The following ANO2 variants were observed in gnomAD, a reference collection of about 807,000 sequenced individuals.
The protein encoded by ANO2 is anoctamin 2.
ANO2 carries 101 observed loss-of-function variants against 124.2 expected under a neutral mutation model. That is an observed-to-expected ratio of 0.81 (90% CI 0.69 to 0.96). The LOEUF (loss-of-function observed/expected upper bound fraction) is 0.96. Ranked by LOEUF, ANO2 falls within the 40% of genes least tolerant of loss-of-function variation. ANO2 has a pLI of 0.00. For missense variants in ANO2, 1,293 were observed against 1,274.5 expected (o/e 1.01, Z -0.22); for synonymous variants, 486 against 482.5 (o/e 1.01, Z -0.09).
rs1378492335 is a variant in ANO2, at chr12:5,854,050, G to A, written c.626C>T (p.Thr209Ile). 2 of 1,612,840 alleles carry A rather than the reference G, an allele frequency of 1.2e-6. No individual in the cohort carries two copies. Among genetic ancestry groups the A allele is most frequent in the East Asian group, 4.5e-5 (2 of 44,846 alleles). Residue 209 changes from threonine to isoleucine, a missense_variant, in exon 4 of 25, where the codon ACC becomes ATC. Thr to Ile is a moderately conservative substitution (Grantham distance 89, BLOSUM62 -1). Transcript: ENST00000682330. ...EAEFLKIKVP[T>I]KKMYEIKAGG... ...GGAGAAACATGCTCATACTTTCTTG[G>A]TAGGAACTTTGATCTTCAAGAATTC... is the stretch of plus-strand genomic sequence containing the variant.
At chr12:5,811,178 T>C (rs780571360) in intron 7 of ANO2, among the ~76,000 whole-genome samples, 2 of 152,156 alleles carry the variant, frequency 1.3e-5, no homozygotes, top group Non-Finnish European at 2.9e-5. Context: ...GCCATACTCC[T>C]GAAAATCCAT....
At chr12:5,639,412 C>T (rs944230190) in intron 15 of ANO2, among the ~76,000 whole-genome samples, 1 of 152,164 alleles carries the variant, frequency 6.6e-6, no homozygotes, top group Non-Finnish European at 1.5e-5. Context: ...AAACAGAAAG[C>T]ACTACCCTCA....
chr12:5,765,106 G>A (rs996162873), intron 10 of ANO2, among the ~76,000 whole-genome samples: 5 of 152,034 alleles, frequency 3.3e-5, no homozygotes, highest in Non-Finnish European at 7.4e-5. Context: ...AGGAAGAAAG[G>A]GCAGAATGCA....
At chr12:5,632,668 C>A (rs1180995522) in intron 16 of ANO2, among the ~76,000 whole-genome samples, 1 of 152,068 alleles carries the variant, frequency 6.6e-6, no homozygotes, top group Non-Finnish European at 1.5e-5. Flanking sequence ...TGGCTTCAAA[C>A]AGAAGAGTTA....
At chr12:5,606,605 C>G (rs1279757323) in intron 19 of ANO2, among the ~76,000 whole-genome samples, 1 of 152,068 alleles carries the variant, frequency 6.6e-6, no homozygotes, top group East Asian at 1.9e-4. Flanking sequence ...TTGGAGGAAA[C>G]TAATATGCAA....
chr12:5,626,951 T>C (rs907789374), intron 16 of ANO2, among the ~76,000 whole-genome samples: 1 of 152,180 alleles, frequency 6.6e-6, no homozygotes, highest in African/African-American at 2.4e-5. Flanking sequence ...CAGGAAGATA[T>C]TGGACTTCTT....
intron 14 of ANO2, among the ~76,000 whole-genome samples, chr12:5,668,917 G>C (rs1420029713): frequency 1.3e-5 from 2 of 152,018 alleles, no homozygotes; most frequent in Non-Finnish European, 2.9e-5. Flanking sequence ...GCCTTTTTTT[G>C]TACCAGCACC....
In ANO2 at chr12:5,565,583, C is replaced by G. The variant is rs192113570; in HGVS notation, c.2702G>C (p.Arg901Pro). Residue 901 changes from arginine (R) to proline (P), a missense_variant, in exon 24 of 25, where the codon CGT (arginine) becomes CCT (proline). By Grantham distance (103) the Arg-to-Pro change is moderately radical (BLOSUM62 -2). Transcript: ENST00000682330. Reference sequence around the variant, plus strand: ...CTGGAAGATTATGACAAAAGCCAGACGGGCGGACAGAATAAACCAGTACTG... The same window carrying G: ...CTGGAAGATTATGACAAAAGCCAGAGGGGCGGACAGAATAAACCAGTACTG... The part of the protein sequence containing the change: ...SKQYWFILSA[R>P]LAFVIIFQNL... The G allele has an allele frequency of 3.1e-6, 5 of 1,604,004 alleles. No individual in the cohort carries two copies. In the Admixed American group the frequency reaches 6.8e-5, roughly 22 times the overall value.
At chr12:5,766,929 A>C (rs1261974329) in intron 10 of ANO2, among the ~76,000 whole-genome samples, 1 of 152,244 alleles carries the variant, frequency 6.6e-6, no homozygotes, top group Non-Finnish European at 1.5e-5. Flanking sequence ...AGCCTTGAAA[A>C]GCAAGGCTGG....
At chr12:5,931,008 C>T (rs181406852) in intron 1 of ANO2, among the ~76,000 whole-genome samples, 96 of 152,284 alleles carry the variant, frequency 6.3e-4, no homozygotes, top group Admixed American at 2.1e-3. Flanking sequence ...TGCCTTGTTC[C>T]CCTCTGATAG....
chr12:5,830,444 GCGGGTGGCATTA>G lies in ANO2; in HGVS notation c.819_830del (p.Asn274_Arg277del), dbSNP rs773584685. 6.2e-7 allele frequency: 1 copy of G among 1,612,790 alleles called. No individual in the cohort carries two copies. Among genetic ancestry groups the G allele is most frequent in the Non-Finnish European group, 8.5e-7 (1 of 1,179,506 alleles). ...ACATCCATTTACTTACAATGCGGCT[GCGGGTGGCATTA>G]TCAAAGAAGGTGTCCTTTTCCTGGA... is the stretch of plus-strand genomic sequence containing the variant. On this transcript the variant is annotated inframe_deletion, in exon 6 of 25. Transcript: ENST00000682330.
At chr12:5,907,152 C>T (rs2136288377) in intron 3 of ANO2, among the ~76,000 whole-genome samples, 1 of 152,336 alleles carries the variant, frequency 6.6e-6, no homozygotes, top group South Asian at 2.1e-4. Flanking sequence ...CTGCAGCCAA[C>T]AGTATCCAGC....
At chr12:5,725,470 G>C (rs1347449395) in intron 14 of ANO2, among the ~76,000 whole-genome samples, 1 of 152,188 alleles carries the variant, frequency 6.6e-6, no homozygotes, top group African/African-American at 2.4e-5. Context: ...CTTTCAGATA[G>C]ATTCTGCTGT....
chr12:5,621,029 C>T (rs1022047159), intron 16 of ANO2, among the ~76,000 whole-genome samples: 2 of 152,104 alleles, frequency 1.3e-5, no homozygotes, highest in African/African-American at 2.4e-5. Flanking sequence ...TTCTCATTCC[C>T]CTTAACTACA....
chr12:5,649,816 G>A (rs942759977), intron 14 of ANO2, among the ~76,000 whole-genome samples: 1 of 131,902 alleles, frequency 7.6e-6, no homozygotes, highest in African/African-American at 2.9e-5. Flanking sequence ...GTGTGTGTGT[G>A]TATTTTTTTA....
intron 14 of ANO2, among the ~76,000 whole-genome samples, chr12:5,697,541 G>A (rs536451912): frequency 5.9e-5 from 9 of 152,332 alleles, no homozygotes; most frequent in South Asian, 2.1e-4. Flanking sequence ...TGCAGAAGAC[G>A]GATGATTTCT....
chr12:5,879,941 A>G (rs1316726095), intron 3 of ANO2, among the ~76,000 whole-genome samples: 1 of 152,252 alleles, frequency 6.6e-6, no homozygotes, highest in Non-Finnish European at 1.5e-5. Context: ...CTGATAGAGC[A>G]TGAAGATGGT....
chr12:5,742,900 G>A (rs1951145704), intron 12 of ANO2, among the ~76,000 whole-genome samples: 1 of 151,866 alleles, frequency 6.6e-6, no homozygotes, highest in Admixed American at 6.6e-5. Flanking sequence ...ACAGTCCCAG[G>A]AGTCTATGGT....
At chr12:5,918,113 G>A (rs545726087) in intron 3 of ANO2, among the ~76,000 whole-genome samples, 15 of 110,018 alleles carry the variant, frequency 1.4e-4, no homozygotes, top group South Asian at 6.4e-4. Flanking sequence ...TTCCTGGAGC[G>A]AGAATGCATC....
Sources: allele counts gnomAD v4.1 joint callset (sites outside exome capture counted in the v4.1 genomes callset), GRCh38; gene constraint gnomAD v4.1.1; transcripts MANE v1.5; gene names NCBI Gene and HGNC (gene_info 2026-07-23, HGNC 2026-07-21).